The following TBP variants were observed in gnomAD, a reference collection of about 807,000 sequenced individuals.
The protein encoded by TBP is TATA-box-binding protein.
In TBP, 12 loss-of-function variants were observed where a neutral mutation model predicts 46.2. The observed-to-expected ratio is 0.26, with a 90% CI of 0.17 to 0.42. TBP has a LOEUF of 0.42. TBP is among the 10% of genes least tolerant of loss of function. The pLI is 1.00. For missense variants in TBP, 229 were observed against 403.1 expected, an observed-to-expected ratio of 0.57 and a Z score of 3.70; for synonymous variants, 157 against 148.3, an observed-to-expected ratio of 1.06 and a Z score of -0.42.
chr6:170,565,323 G>T (rs1316168448), intron 4 of TBP, among the ~76,000 whole-genome samples: 1 of 152,210 alleles, frequency 6.6e-6, no homozygotes, highest in East Asian at 1.9e-4. Flanking sequence ...AGTTATATAT[G>T]TATTGTATTG....
In TBP at chr6:170,572,323, CAGTT is replaced by C; in HGVS notation, c.*59_*62del. On this transcript the variant is annotated 3_prime_UTR_variant, in exon 8 of 8. Transcript: ENST00000392092. ...CTTCTTTTTTTTTTTTTAAACAAAT[CAGTT>C]TGTTTTGGTACCTTTAAATGGTGGT... 7.5e-7 allele frequency: 1 copy of C among 1,328,398 alleles called. No homozygotes were observed. The highest frequency in any genetic ancestry group is 1.1e-6 in the Non-Finnish European group (1 of 951,942). 82.3% of individuals were successfully genotyped at this position (1,328,398 alleles called of 1,614,324 possible). A position where few individuals can be genotyped will look rare whatever the true frequency, so the allele number is the denominator to read the frequency against.
chr6:170,566,771 T>C, intron 4 of TBP, 147 bp from the exon 5 acceptor site: 1 of 553,716 alleles, frequency 1.8e-6, no homozygotes, highest in Non-Finnish European at 3.3e-6. Flanking sequence ...CCTTTACAGA[T>C]ATACAGAAAT....
intron 1 of TBP, among the ~76,000 whole-genome samples, chr6:170,555,079 T>C (rs536884551): frequency 2.6e-4 from 39 of 152,172 alleles, no homozygotes; most frequent in Non-Finnish European, 5.3e-4. Flanking sequence ...CCAAAAAATA[T>C]CGGATTTGAT....
At chr6:170,554,933 A>G (rs536904691) in intron 1 of TBP, among the ~76,000 whole-genome samples, 1 of 151,938 alleles carries the variant, frequency 6.6e-6, no homozygotes, top group South Asian at 2.1e-4. Flanking sequence ...ACACCACTTT[A>G]TTTGCAGGGT....
chr6:170,568,823 T>TTTC lies in TBP; in HGVS notation c.678-787_678-786insCTT, dbSNP rs1779320147. On this transcript the variant is annotated intron_variant, in intron 5 of 7. Coordinates refer to ENST00000392092, the MANE Select transcript of TBP (RefSeq NM_003194.5). The stretch of plus-strand genomic sequence containing the variant: ...TTTCTTTCTTTCCTTTTCTTTTTTT[T>TTTC]TTTTTTTTTTTTTTTTTTTGGTGGA... Among the ~76,000 whole-genome samples the TTTC allele has an allele frequency of 2.7e-5, 3 of 109,150 alleles. 1 individual carries two copies. Among genetic ancestry groups the TTTC allele is most frequent in the African/African-American group, 1.1e-4 (3 of 26,790 alleles). The allele number at this position is 109,150 out of a possible 152,430, so 71.6% of individuals were successfully genotyped here. A position where few individuals can be genotyped will look rare whatever the true frequency, so the allele number is the denominator to read the frequency against.
Position 170,564,566 on chromosome 6 carries a change from T to A in TBP, c.519T>A (p.Asn173Lys). 6.2e-7 allele frequency: 1 copy of A among 1,609,728 alleles called. No individual in the cohort carries two copies. Among genetic ancestry groups the A allele is most frequent in the Non-Finnish European group, 8.5e-7 (1 of 1,177,798 alleles). ...ACAGAAATATTGTATCCACAGTGAA[T>A]CTTGGTTGTAAACTTGACCTAAAGA... ...PQLQNIVSTV[N>K]LGCKLDLKTI... The change falls in exon 4 of 8, where the codon AAT becomes AAA. Residue 173 changes from asparagine to lysine, a missense_variant. Asn to Lys is a moderately conservative substitution (Grantham distance 94, BLOSUM62 0). Around this residue, in one of 4 missense-constraint regions of TBP, gnomAD observed 67 missense variants for 188.2 expected, o/e 0.36. Coordinates refer to ENST00000392092, the MANE Select transcript of TBP (RefSeq NM_003194.5).
At position 170,569,686 on chromosome 6, in the gene TBP, T is replaced by G; in HGVS notation, c.752T>G (p.Leu251Trp). ...AAGTTGGGTTTTCCAGCTAAGTTCT[T>G]GGACTTCAAGATTCAGAATATGGTG... is the stretch of plus-strand genomic sequence containing the variant. Reference protein sequence around the residue: ...VQKLGFPAKFLDFKIQNMVGS... With the variant: ...VQKLGFPAKFWDFKIQNMVGS... The change falls in exon 6 of 8, where the codon TTG becomes TGG. Residue 251 changes from leucine (L) to tryptophan (W), a missense_variant. By Grantham distance (61) the Leu-to-Trp change is moderately conservative. Around this residue, in one of 4 missense-constraint regions of TBP, gnomAD observed 67 missense variants for 188.2 expected, o/e 0.36. Transcript: ENST00000392092. The G allele has an allele frequency of 6.2e-7, 1 of 1,614,188 alleles. No individual in the cohort carries two copies. The highest frequency in any genetic ancestry group is 8.5e-7 in the Non-Finnish European group (1 of 1,180,010).
intron 3 of TBP, among the ~76,000 whole-genome samples, chr6:170,563,356 C>G (rs1779184171): frequency 6.6e-6 from 1 of 152,330 alleles, no homozygotes; most frequent in South Asian, 2.1e-4. Context: ...CCACTATCTA[C>G]TAAGAACCCT....
At chr6:170,562,906 G>C (rs1456228293) in intron 3 of TBP, among the ~76,000 whole-genome samples, 1 of 152,016 alleles carries the variant, frequency 6.6e-6, no homozygotes, top group Admixed American at 6.6e-5. Context: ...CATCTCCTCA[G>C]TTTTCTTGTA....
intron 2 of TBP, among the ~76,000 whole-genome samples, chr6:170,558,899 G>C (rs1342379745): frequency 6.6e-6 from 1 of 152,014 alleles, no homozygotes. Flanking sequence ...TCACCATGCT[G>C]GTGTCAAACT....
At chr6:170,563,016 C>T (rs762609167) in intron 3 of TBP, among the ~76,000 whole-genome samples, 28 of 152,130 alleles carry the variant, frequency 1.8e-4, no homozygotes, top group Non-Finnish European at 3.4e-4. Flanking sequence ...AGCTATCTCT[C>T]ATCATTTTTG....
intron 4 of TBP, among the ~76,000 whole-genome samples, chr6:170,565,002 C>A (rs1406685187): frequency 6.6e-6 from 1 of 152,058 alleles, no homozygotes; most frequent in Non-Finnish European, 1.5e-5. Context: ...ACTAAAAATA[C>A]AAAAATTTGC....
intron 4 of TBP, 26 bp downstream of exon 4, chr6:170,564,658 T>C (rs1173439835): frequency 6.7e-7 from 1 of 1,484,442 alleles, no homozygotes; most frequent in East Asian, 2.3e-5. Context: ...ATGTATTTCT[T>C]TTTTTTTTCT....
chr6:170,571,734 T>C (rs1779369715), intron 7 of TBP, among the ~76,000 whole-genome samples: 1 of 152,100 alleles, frequency 6.6e-6, no homozygotes, highest in Non-Finnish European at 1.5e-5. Context: ...AGGTGAGCAT[T>C]GCATTGAACA....
intron 2 of TBP, among the ~76,000 whole-genome samples, chr6:170,557,803 T>C (rs1284773397): frequency 6.6e-6 from 1 of 151,994 alleles, no homozygotes; most frequent in African/African-American, 2.4e-5. Context: ...AAACTCATTT[T>C]AAGTGTCTGT....
intron 5 of TBP, among the ~76,000 whole-genome samples, chr6:170,567,890 AG>A (rs1229561713): frequency 6.6e-6 from 1 of 152,252 alleles, no homozygotes; most frequent in African/African-American, 2.4e-5. Flanking sequence ...GTCAAAAACT[AG>A]GGGGAAAATT....
intron 2 of TBP, among the ~76,000 whole-genome samples, chr6:170,558,832 T>G (rs930120634): frequency 1.1e-4 from 16 of 152,106 alleles, no homozygotes; most frequent in African/African-American, 3.9e-4. Flanking sequence ...TAGCTGGGAT[T>G]ACAGGCATGC....
At chr6:170,565,933 G>T (rs926470621) in intron 4 of TBP, among the ~76,000 whole-genome samples, 9 of 152,014 alleles carry the variant, frequency 5.9e-5, no homozygotes, top group African/African-American at 1.9e-4. Flanking sequence ...AATTATCTGG[G>T]GTTGGTGGCA....
chr6:170,566,894 A>C, intron 4 of TBP, 24 bp from the exon 5 acceptor site: 1 of 1,609,046 alleles, frequency 6.2e-7, no homozygotes, highest in Non-Finnish European at 8.5e-7. Context: ...TGACCTCACT[A>C]ATGATTCTCT....
Sources: gnomAD v4.1 joint callset for allele counts (sites outside exome capture counted in the v4.1 genomes callset) on GRCh38, gnomAD v4.1.1 for gene constraint, gnomAD v4.1.1 regional missense constraint, MANE v1.5 for transcripts, NCBI Gene and HGNC (gene_info 2026-07-23, HGNC 2026-07-21) for gene names.